TRPM2: variants seen among roughly 807,000 people sequenced by gnomAD.
TRPM2 encodes transient receptor potential cation channel subfamily M member 2.
In TRPM2, 161 loss-of-function variants were observed where a neutral mutation model predicts 174.0. The ratio of observed to expected loss-of-function variants is 0.93; its 90% confidence interval spans 0.81 to 1.05. TRPM2 has a LOEUF of 1.05. Among genes scored for constraint, TRPM2 ranks in the 50% least tolerant of loss-of-function variants. The pLI, the probability that TRPM2 is intolerant of heterozygous loss-of-function variation, is 0.00. For synonymous variants in TRPM2, 954 were observed against 861.3 expected (o/e 1.11, Z -1.88); for missense variants, 2,057 against 2,038.0 (o/e 1.01, Z -0.18).
chr21:44,395,382 G>A lies in TRPM2; in HGVS notation c.1795-32G>A, dbSNP rs372325411. 169 of 1,609,210 alleles carry A rather than the reference G, an allele frequency of 1.1e-4. 2 individuals are homozygous for A. The highest frequency in any genetic ancestry group is 9.8e-4 in the South Asian group (89 of 90,914). ...CCAGTGACTCTGAGCCAGGCGGCCC[G>A]GCTGGGGCTCTGACAGTTCACTGCT... On this transcript the variant is annotated intron_variant, in intron 11 of 31. Coordinates refer to ENST00000397928, the MANE Select transcript of TRPM2 (RefSeq NM_003307.4).
chr21:44,408,832 A>G (rs1436275360), intron 19 of TRPM2, among the ~76,000 whole-genome samples: 2 of 151,420 alleles, frequency 1.3e-5, no homozygotes, highest in Non-Finnish European at 2.9e-5. Context: ...TAATTTTTGT[A>G]TTTTTAGTAG....
intron 5 of TRPM2, among the ~76,000 whole-genome samples, chr21:44,375,067 A>C (rs531541522): frequency 3.9e-5 from 6 of 152,234 alleles, no homozygotes; most frequent in Admixed American, 3.9e-4. Context: ...GTGCACCACC[A>C]TGCCCGGCTA....
chr21:44,426,815 C>A, intron 26 of TRPM2, 79 bp downstream of exon 26: 1 of 1,559,400 alleles, frequency 6.4e-7, no homozygotes, highest in South Asian at 1.1e-5. Context: ...GAATCCCAGT[C>A]AGAGCCCAGC....
At chr21:44,422,640 G>A (rs1453513220) in intron 22 of TRPM2, among the ~76,000 whole-genome samples, 3 of 152,236 alleles carry the variant, frequency 2.0e-5, no homozygotes, top group African/African-American at 7.2e-5. Flanking sequence ...AGGGAGCCCA[G>A]GGGACAGCGG....
chr21:44,382,483 G>A (rs974274841), intron 8 of TRPM2, among the ~76,000 whole-genome samples: 3 of 152,164 alleles, frequency 2.0e-5, no homozygotes, highest in Non-Finnish European at 2.9e-5. Context: ...GTGAAGATCC[G>A]TTGCCCTTGG....
intron 9 of TRPM2, among the ~76,000 whole-genome samples, chr21:44,389,912 G>T (rs1160641378): frequency 7.2e-6 from 1 of 138,272 alleles, no homozygotes; most frequent in Non-Finnish European, 1.5e-5. Flanking sequence ...TCGCTCTGTT[G>T]CCCAGGCTGG....
At chr21:44,363,393 A>C (rs1403343911) in intron 2 of TRPM2, among the ~76,000 whole-genome samples, 2 of 151,688 alleles carry the variant, frequency 1.3e-5, no homozygotes, top group Non-Finnish European at 2.9e-5. Context: ...TGTTGTTCTT[A>C]TTGGGCAATT....
chr21:44,429,252 G>A (rs11088952), intron 27 of TRPM2, among the ~76,000 whole-genome samples: 52,567 of 145,818 alleles, frequency 0.36, 11,411 homozygotes, highest in Non-Finnish European at 0.48. Flanking sequence ...TGTTATTTGG[G>A]GTAATTATAA....
intron 9 of TRPM2, among the ~76,000 whole-genome samples, chr21:44,389,327 T>C (rs2049104871): frequency 6.6e-6 from 1 of 152,214 alleles, no homozygotes; most frequent in Non-Finnish European, 1.5e-5. Context: ...TTTCCATTCA[T>C]CTGTTGGGGT....
At chr21:44,351,043 G>A (rs2122996555), upstream of TRPM2, among the ~76,000 whole-genome samples, 87 of 152,088 alleles carry the variant, frequency 5.7e-4, no homozygotes, top group South Asian at 3.3e-3. Context: ...GCCACACGGT[G>A]TACCGAGGGA....
At chr21:44,357,600 G>C (rs560231246) in intron 2 of TRPM2, among the ~76,000 whole-genome samples, 11 of 152,208 alleles carry the variant, frequency 7.2e-5, no homozygotes, top group Admixed American at 1.3e-4. Context: ...AAGCCCATTC[G>C]AGGCTCAGAG....
At chr21:44,380,134 C>A (rs2048836624) in intron 8 of TRPM2, among the ~76,000 whole-genome samples, 1 of 152,214 alleles carries the variant, frequency 6.6e-6, no homozygotes, top group South Asian at 2.1e-4. Context: ...GAGGTCTTGG[C>A]CCCGTTGGCC....
chr21:44,356,351 C>T (rs375251673), intron 2 of TRPM2, among the ~76,000 whole-genome samples: 35 of 151,614 alleles, frequency 2.3e-4, no homozygotes, highest in African/African-American at 8.5e-4. Context: ...CCTCGGAGCT[C>T]ACCCTTGTTA....
intron 20 of TRPM2, among the ~76,000 whole-genome samples, chr21:44,417,546 A>G (rs371899503): frequency 4.8e-4 from 32 of 66,460 alleles, no homozygotes; most frequent in South Asian, 1.5e-3. Flanking sequence ...GCACGTGGGC[A>G]TGGCTCTGCT....
At position 44,432,093 on chromosome 21, in the gene TRPM2, C is replaced by A. The variant is rs2051044719; in HGVS notation, c.3975-3038C>A. 6.6e-6 allele frequency among the ~76,000 whole-genome samples: 1 copy of A among 152,204 alleles called. No homozygotes were observed. The highest frequency in any genetic ancestry group is 1.5e-5 in the Non-Finnish European group (1 of 68,034). ...CCTTTCTGGTATAGGAGTGACTGTC[C>A]CCACGTCTGTCTGGGGCCAGCCCCC... On this transcript the variant is annotated intron_variant, in intron 27 of 31. Transcript: ENST00000397928. This position sits in a 1 kb window ranked among gnomAD's most constrained non-coding sequence, Gnocchi z 4.9.
rs971832754 is a variant in TRPM2 at position 44,441,958 on chromosome 21, G to T, written c.*141G>T. 9.5e-6 allele frequency: 12 copies of T among 1,256,796 alleles called. No homozygotes were observed. The highest frequency in any genetic ancestry group is 1.2e-5 in the Non-Finnish European group (12 of 962,926). 77.9% of individuals were successfully genotyped at this position (1,256,796 alleles called of 1,614,324 possible). On this transcript the variant is annotated 3_prime_UTR_variant, in exon 32 of 32. Coordinates refer to ENST00000397928, the MANE Select transcript of TRPM2 (RefSeq NM_003307.4). ...GTTTGGTGGACCCAGTGCCCCTCAC[G>T]GCTGCCGCAAGTCTGCTGCAGATGA...
At chr21:44,415,903 C>G (rs2050262470) in intron 20 of TRPM2, 1 of 151,924 alleles carries the variant, frequency 6.6e-6, no homozygotes, top group Admixed American at 6.6e-5. Context: ...AAACTTAGAA[C>G]AAATTAAATG....
At position 44,399,723 on chromosome 21, in the gene TRPM2, C is replaced by G. The variant is rs935245350; in HGVS notation, c.2208+282C>G. On this transcript the variant is annotated intron_variant, in intron 14 of 31. Transcript: ENST00000397928. This position sits in a 1 kb window ranked among gnomAD's most constrained non-coding sequence, Gnocchi z 4.6. The stretch of plus-strand genomic sequence containing the variant: ...TACCTGGGAGCGGCAGGCAGAAGCC[C>G]AGGTGGCTCTGGGAACGGCGTCTGC... Among the ~76,000 whole-genome samples, 117 of 152,300 alleles carry G rather than the reference C, an allele frequency of 7.7e-4. No individual in the cohort carries two copies. The highest frequency in any genetic ancestry group is 1.8e-4 in the Non-Finnish European group (12 of 68,014).
chr21:44,378,699 C>T (rs1027251895), intron 7 of TRPM2, among the ~76,000 whole-genome samples: 8 of 152,306 alleles, frequency 5.3e-5, no homozygotes, highest in African/African-American at 1.7e-4. Context: ...GTCCATGCAG[C>T]GTCCCCTTTG....
Sources: gnomAD v4.1 joint callset for allele counts (sites outside exome capture counted in the v4.1 genomes callset) on GRCh38, gnomAD v4.1.1 for gene constraint, Gnocchi (gnomAD v3.1) non-coding constraint, MANE v1.5 for transcripts, NCBI Gene and HGNC (gene_info 2026-07-23, HGNC 2026-07-21) for gene names.